Variants in TMEM255B observed in about 807,000 individuals in gnomAD.
TMEM255B encodes family with sequence similarity 70, member B.
A neutral mutation model predicts 34.5 loss-of-function variants in TMEM255B; 35 were observed. The observed-to-expected ratio is 1.01, with a 90% CI of 0.77 to 1.34. TMEM255B has a LOEUF of 1.34. Among genes scored for constraint, TMEM255B ranks in the 40% most tolerant of loss-of-function variants. TMEM255B has a pLI of 0.00. For synonymous variants in TMEM255B, 206 were observed against 201.2 expected (o/e 1.02, Z -0.20); for missense variants, 432 against 433.2 (o/e 1.00, Z 0.02).
intron 3 of TMEM255B, among the ~76,000 whole-genome samples, chr13:113,783,614 G>T (rs544705934): frequency 6.6e-6 from 1 of 152,178 alleles, no homozygotes; most frequent in Non-Finnish European, 1.5e-5. Flanking sequence ...GGCCATGAAC[G>T]CAAGCAGTGC....
intron 2 of TMEM255B, among the ~76,000 whole-genome samples, chr13:113,767,219 C>T (rs930658606): frequency 8.5e-5 from 13 of 152,200 alleles, no homozygotes; most frequent in African/African-American, 2.7e-4. Flanking sequence ...GTTTATTTCA[C>T]CATTATATTT....
intron 2 of TMEM255B, chr13:113,768,373 C>T (rs1010660021): frequency 5.4e-5 from 22 of 404,260 alleles, no homozygotes; most frequent in Non-Finnish European, 1.2e-4. Context: ...GGATGCCCGG[C>T]CGGTGGCCTC....
chr13:113,799,467 G>A (rs755373819), intron 5 of TMEM255B, 48 bp downstream of exon 5: 23 of 1,574,728 alleles, frequency 1.5e-5, no homozygotes, highest in Admixed American at 6.7e-5. Context: ...AGCTAACCCC[G>A]CCGACCCCAC....
chr13:113,784,219 G>A (rs888585808), intron 3 of TMEM255B, among the ~76,000 whole-genome samples: 8 of 152,102 alleles, frequency 5.3e-5, no homozygotes, highest in African/African-American at 1.9e-4. Flanking sequence ...AGAGGAGGCC[G>A]AGGGTGTCTG....
chr13:113,801,301 T>G (rs1185876436), intron 6 of TMEM255B, among the ~76,000 whole-genome samples: 2 of 152,188 alleles, frequency 1.3e-5, no homozygotes, highest in Non-Finnish European at 2.9e-5. Flanking sequence ...CATGGCCCCC[T>G]CTTGGGACAG....
rs979911890 is a variant in TMEM255B, at chr13:113,806,292, C to T, written c.813+1264C>T. On this transcript the variant is annotated intron_variant, in intron 8 of 8. Transcript: ENST00000375353. The surrounding 1 kb of genome is among the most constrained non-coding windows in gnomAD (Gnocchi z 4.2). ...ATGGAGATGGTGCGTCTGGGGGTCC[C>T]TGGGGTCCAGGGGCCTGTGGGGCTG... Among the ~76,000 whole-genome samples the T allele has an allele frequency of 6.6e-6, 1 of 152,028 alleles. No homozygotes were observed. Among genetic ancestry groups the T allele is most frequent in the Non-Finnish European group, 1.5e-5 (1 of 67,972 alleles).
At position 113,812,964 on chromosome 13, in the gene TMEM255B, C is replaced by CCCCGGGTGGGTCACGGGT. The variant is rs879674714; in HGVS notation, c.*1084_*1101dup. ...TCACGGGTCCCGGGTGGGTCACGGGCCCCGGGTGGGTCACGGGTCCCGGGT... is the reference window on the plus strand; with the variant it reads ...TCACGGGTCCCGGGTGGGTCACGGGCCCCGGGTGGGTCACGGGTCCCGGGTGGGTCACGGGTCCCGGGT... On this transcript the variant is annotated 3_prime_UTR_variant, in exon 9 of 9. Coordinates refer to ENST00000375353, the MANE Select transcript of TMEM255B (RefSeq NM_182614.4). 1.9e-5 allele frequency: 2 copies of CCCCGGGTGGGTCACGGGT among 106,076 alleles called. No homozygotes were observed. The highest frequency in any genetic ancestry group is 3.6e-5 in the Non-Finnish European group (2 of 56,220). 6.6% of individuals were successfully genotyped at this position (106,076 alleles called of 1,614,324 possible).
chr13:113,761,931 A>G (rs1279694632), intron 1 of TMEM255B, among the ~76,000 whole-genome samples: 3 of 152,192 alleles, frequency 2.0e-5, no homozygotes, highest in Non-Finnish European at 4.4e-5. Flanking sequence ...GGGAGATTAA[A>G]TGGCCGCCCA....
In TMEM255B at chr13:113,812,026, C is replaced by A. The variant is rs1332163201; in HGVS notation, c.*123C>A. The A allele has an allele frequency of 1.6e-6, 2 of 1,273,830 alleles. No homozygotes were observed. Among genetic ancestry groups the A allele is most frequent in the South Asian group, 1.5e-5 (1 of 68,710 alleles). 78.9% of individuals were successfully genotyped at this position (1,273,830 alleles called of 1,614,324 possible). A position where few individuals can be genotyped will look rare whatever the true frequency, so the allele number is the denominator to read the frequency against. ...CGGGAGAATGTTCCAGAAGTCTGTC[C>A]CCTCCTTTCCTCCCTGGGCACACTG... is the stretch of plus-strand genomic sequence containing the variant. On this transcript the variant is annotated 3_prime_UTR_variant, in exon 9 of 9. Transcript: ENST00000375353.
chr13:113,760,826 CTG>C (rs2050294798), intron 1 of TMEM255B, among the ~76,000 whole-genome samples: 1 of 119,010 alleles, frequency 8.4e-6, no homozygotes, highest in Non-Finnish European at 1.7e-5. Context: ...TTTGGGGTAT[CTG>C]GGGGTGGATT....
chr13:113,774,669 A>ACAC (rs1491392118), intron 3 of TMEM255B, among the ~76,000 whole-genome samples: 23 of 150,508 alleles, frequency 1.5e-4, no homozygotes, highest in African/African-American at 5.6e-4. Context: ...CACACCACAC[A>ACAC]TATGACACAC....
At chr13:113,802,498 G>A (rs1391244211) in intron 7 of TMEM255B, among the ~76,000 whole-genome samples, 2 of 152,202 alleles carry the variant, frequency 1.3e-5, no homozygotes, top group East Asian at 1.9e-4. Flanking sequence ...GTATCCAAAC[G>A]GCAGCCCAGG....
At chr13:113,768,856 A>C in intron 2 of TMEM255B, 1 of 600,344 alleles carries the variant, frequency 1.7e-6, no homozygotes, top group Non-Finnish European at 3.2e-6. Context: ...TCACAAGCCA[A>C]ACAGATGCAT....
Position 113,783,277 on chromosome 13 carries a change from C to T in TMEM255B, c.253-11871C>T, listed in dbSNP as rs77413572. ...ATGCCTGCGAGGGGACAGGTGATCA[C>T]GTGGTTTCTTTGCCTGAAGCCAGTG... On this transcript the variant is annotated intron_variant, in intron 3 of 8. Transcript: ENST00000375353. Among the ~76,000 whole-genome samples, 925 of 152,188 alleles carry T rather than the reference C, an allele frequency of 6.1e-3. 7 individuals are homozygous for T. The highest frequency in any genetic ancestry group is 0.019 in the African/African-American group (807 of 41,496).
intron 2 of TMEM255B, 107 bp downstream of exon 2, chr13:113,766,364 G>A: frequency 6.6e-7 from 1 of 1,523,728 alleles, no homozygotes; most frequent in Non-Finnish European, 9.0e-7. Context: ...AAGGTGGGGA[G>A]GCTTCGATCA....
chr13:113,794,533 C>T (rs930511902), intron 3 of TMEM255B, among the ~76,000 whole-genome samples: 11 of 152,044 alleles, frequency 7.2e-5, no homozygotes, highest in South Asian at 2.1e-4. Context: ...AGCCAGGCAC[C>T]GAGAAAAGAA....
intron 7 of TMEM255B, 83 bp from the exon 8 acceptor site, chr13:113,804,802 G>A: frequency 1.5e-6 from 2 of 1,316,412 alleles, no homozygotes; most frequent in South Asian, 1.4e-5. Flanking sequence ...GGGGTCGAGG[G>A]TGCTGGGCTT....
chr13:113,766,531 C>G (rs775914507), intron 2 of TMEM255B: 21 of 527,026 alleles, frequency 4.0e-5, no homozygotes, highest in Non-Finnish European at 7.4e-5. Context: ...TGGGTTGGCC[C>G]GATGTGGTCA....
chr13:113,799,999 G>T, intron 5 of TMEM255B: 3 of 1,248,434 alleles, frequency 2.4e-6, no homozygotes, highest in Non-Finnish European at 3.1e-6. Flanking sequence ...AGGAGCTGGA[G>T]GCCCTCTCAG....
Sources: gnomAD v4.1 joint callset for allele counts (sites outside exome capture counted in the v4.1 genomes callset) on GRCh38, gnomAD v4.1.1 for gene constraint, Gnocchi (gnomAD v3.1) non-coding constraint, MANE v1.5 for transcripts, NCBI Gene and HGNC (gene_info 2026-07-23, HGNC 2026-07-21) for gene names.